Variants in AGPAT3 observed in about 807,000 individuals in gnomAD.
The protein encoded by AGPAT3 is 1-acylglycerol-3-phosphate O-acyltransferase 3.
In AGPAT3, 5 loss-of-function variants were observed where a neutral mutation model predicts 47.3. The observed-to-expected ratio is 0.11, with a 90% CI of 0.06 to 0.22. AGPAT3 has a LOEUF of 0.22. AGPAT3 is among the 10% of genes least tolerant of loss of function. The pLI is 1.00. For synonymous variants in AGPAT3, 212 were observed against 208.3 expected (o/e 1.02, Z -0.15); for missense variants, 315 against 493.0 (o/e 0.64, Z 3.42).
intron 2 of AGPAT3, among the ~76,000 whole-genome samples, chr21:43,938,654 T>G (rs1205980908): frequency 6.6e-6 from 1 of 152,190 alleles, no homozygotes; most frequent in Non-Finnish European, 1.5e-5. Context: ...ATCCAATACT[T>G]CCAGTAAATG....
chr21:43,893,404 C>T (rs981890866), intron 1 of AGPAT3, among the ~76,000 whole-genome samples: 2 of 152,210 alleles, frequency 1.3e-5, no homozygotes, highest in African/African-American at 4.8e-5. Flanking sequence ...CCGGACCACT[C>T]GAACTTTCTC....
intron 1 of AGPAT3, among the ~76,000 whole-genome samples, chr21:43,887,803 C>T (rs1323432879): frequency 1.3e-5 from 2 of 151,996 alleles, no homozygotes; most frequent in South Asian, 2.1e-4. Flanking sequence ...TATAGGCGCC[C>T]GCCATCACAC....
Position 43,920,733 on chromosome 21 carries a change from G to C in AGPAT3, c.-49+16714G>C, listed in dbSNP as rs2086873365. 6.6e-6 allele frequency among the ~76,000 whole-genome samples: 1 copy of C among 152,100 alleles called. No homozygotes were observed. Among genetic ancestry groups the C allele is most frequent in the African/African-American group, 2.4e-5 (1 of 41,414 alleles). On this transcript the variant is annotated intron_variant, in intron 2 of 9. Coordinates refer to ENST00000291572, the MANE Select transcript of AGPAT3 (RefSeq NM_020132.5). This position sits in a 1 kb window ranked among gnomAD's most constrained non-coding sequence, Gnocchi z 6.1. ...CTAAGCACGGGGAGGTTCCCGGAGG[G>C]TGGAGCCCTGGGGAGGGTACAGCAG...
Position 43,985,218 on chromosome 21 carries a change from C to T in AGPAT3, c.*2826C>T, listed in dbSNP as rs959935868. ...CCAAGGATGCCATTGCTGTCTTCAT[C>T]GTCTTCCCCCGTGTGAGACACTGGT... On this transcript the variant is annotated 3_prime_UTR_variant, in exon 10 of 10. Transcript: ENST00000291572. The T allele has an allele frequency of 2.2e-5, 10 of 456,180 alleles. No individual in the cohort carries two copies. Among genetic ancestry groups the T allele is most frequent in the Admixed American group, 1.4e-4 (6 of 42,558 alleles). 28.3% of individuals were successfully genotyped at this position (456,180 alleles called of 1,614,324 possible). A position where few individuals can be genotyped will look rare whatever the true frequency, so the allele number is the denominator to read the frequency against.
chr21:43,960,797 TTG>T, intron 3 of AGPAT3: 11 of 983,644 alleles, frequency 1.1e-5, no homozygotes, highest in Non-Finnish European at 1.3e-5. Flanking sequence ...ATGATTCATT[TTG>T]TGTCTTAAGA....
chr21:43,980,908 T>G, intron 8 of AGPAT3, 81 bp from the exon 9 acceptor site: 2 of 1,250,260 alleles, frequency 1.6e-6, no homozygotes, highest in Non-Finnish European at 2.3e-6. Flanking sequence ...TCGTTTTTCA[T>G]TGCCAACAAT....
intron 3 of AGPAT3, chr21:43,966,990 G>C (rs1601447135): frequency 6.6e-6 from 1 of 152,386 alleles, no homozygotes; most frequent in East Asian, 1.9e-4. Flanking sequence ...AGGCCCACGT[G>C]TGACAAAGAT....
Position 43,955,010 on chromosome 21 carries a change from A to G in AGPAT3, c.-48-4624A>G. The G allele has an allele frequency of 8.8e-7, 1 of 1,140,124 alleles. No individual in the cohort carries two copies. Among genetic ancestry groups the G allele is most frequent in the East Asian group, 7.9e-5 (1 of 12,666 alleles). The allele number at this position is 1,140,124 out of a possible 1,614,324, so 70.6% of individuals were successfully genotyped here. A position where few individuals can be genotyped will look rare whatever the true frequency, so the allele number is the denominator to read the frequency against. ...GGATTCTCGAGGGGAAGCTGCATCC[A>G]CACAGAGGCTGGGACGTGAATGTGC... On this transcript the variant is annotated intron_variant, in intron 2 of 9. Coordinates refer to ENST00000291572, the MANE Select transcript of AGPAT3 (RefSeq NM_020132.5). The surrounding 1 kb of genome is among the most constrained non-coding windows in gnomAD (Gnocchi z 4.1).
At chr21:43,969,696 T>TTGTG (rs143153215) in intron 5 of AGPAT3, among the ~76,000 whole-genome samples, 10 of 151,662 alleles carry the variant, frequency 6.6e-5, no homozygotes, top group African/African-American at 1.4e-4. Context: ...GTGTGTGTTT[T>TTGTG]TGTGTGTGTG....
chr21:43,884,166 T>TC (rs1399375360), intron 1 of AGPAT3, among the ~76,000 whole-genome samples: 1 of 152,042 alleles, frequency 6.6e-6, no homozygotes, highest in Non-Finnish European at 1.5e-5. Flanking sequence ...TCCCAGATAG[T>TC]CCCCAGTGCT....
Position 43,880,397 on chromosome 21 carries a change from C to G in AGPAT3, c.-112+15052C>G, listed in dbSNP as rs113929014. On this transcript the variant is annotated intron_variant, in intron 1 of 9. Transcript: ENST00000291572. This position sits in a 1 kb window ranked among gnomAD's most constrained non-coding sequence, Gnocchi z 4.5. Reference sequence around the variant, plus strand: ...AGCCTGTTCTTGTCTTGTTCTGGTGCCACTTCCTCAGGTATGCGAGGGCTG... The same window carrying G: ...AGCCTGTTCTTGTCTTGTTCTGGTGGCACTTCCTCAGGTATGCGAGGGCTG... Among the ~76,000 whole-genome samples, 97 of 152,328 alleles carry G rather than the reference C, an allele frequency of 6.4e-4. 1 individual carries two copies. The highest frequency in any genetic ancestry group is 1.4e-3 in the Admixed American group (22 of 15,292).
chr21:43,951,726 C>T (rs1175603316), intron 2 of AGPAT3, among the ~76,000 whole-genome samples: 1 of 152,198 alleles, frequency 6.6e-6, no homozygotes, highest in East Asian at 1.9e-4. Flanking sequence ...CATGGATAGA[C>T]AAACTGGTGT....
chr21:43,953,820 T>C (rs1426151642), intron 2 of AGPAT3, among the ~76,000 whole-genome samples: 1 of 152,218 alleles, frequency 6.6e-6, no homozygotes, highest in Non-Finnish European at 1.5e-5. Context: ...ACCCCTTGCA[T>C]ATTTAAACTT....
intron 4 of AGPAT3, 106 bp downstream of exon 4, chr21:43,968,221 AGGGCTG>A: frequency 2.7e-6 from 1 of 368,796 alleles, no homozygotes; most frequent in Non-Finnish European, 3.9e-6. Flanking sequence ...GGGTCCCTGC[AGGGCTG>A]GGGGTGGGGT....
intron 1 of AGPAT3, among the ~76,000 whole-genome samples, chr21:43,869,840 C>T (rs1181412252): frequency 2.6e-5 from 4 of 152,302 alleles, no homozygotes; most frequent in Middle Eastern, 3.4e-3. Flanking sequence ...AGCTCCATGG[C>T]GGCCTCAGAA....
At chr21:43,896,517 A>C (rs1275561223) in intron 1 of AGPAT3, among the ~76,000 whole-genome samples, 1 of 152,288 alleles carries the variant, frequency 6.6e-6, no homozygotes, top group East Asian at 1.9e-4. Flanking sequence ...CCTATAGGCT[A>C]AGTCTGGCTA....
intron 1 of AGPAT3, among the ~76,000 whole-genome samples, chr21:43,890,958 G>A (rs1406668541): frequency 6.6e-6 from 1 of 151,988 alleles, no homozygotes; most frequent in Non-Finnish European, 1.5e-5. Context: ...GGCCAATCTC[G>A]AACTCCTAAC....
intron 1 of AGPAT3, among the ~76,000 whole-genome samples, chr21:43,897,377 A>G (rs1184037833): frequency 6.6e-6 from 1 of 151,950 alleles, no homozygotes; most frequent in Non-Finnish European, 1.5e-5. Flanking sequence ...ACACAGTAAC[A>G]ATCTGATCCC....
chr21:43,917,515 G>T (rs2086758039), intron 2 of AGPAT3, among the ~76,000 whole-genome samples: 1 of 152,224 alleles, frequency 6.6e-6, no homozygotes, highest in African/African-American at 2.4e-5. Context: ...CACAGGTTTA[G>T]TCGCTTGCTG....
Sources: allele counts gnomAD v4.1 joint callset (sites outside exome capture counted in the v4.1 genomes callset), GRCh38; gene constraint gnomAD v4.1.1; non-coding constraint Gnocchi (gnomAD v3.1); transcripts MANE v1.5; gene names NCBI Gene and HGNC (gene_info 2026-07-23, HGNC 2026-07-21).